PRKCB: variants seen among roughly 807,000 people sequenced by gnomAD.
The protein encoded by PRKCB is protein kinase C beta.
In PRKCB, 13 loss-of-function variants were observed where a neutral mutation model predicts 81.5. That is an observed-to-expected ratio of 0.16 (90% CI 0.10 to 0.25). The LOEUF is 0.25. Ranked by LOEUF, PRKCB falls within the 10% of genes least tolerant of loss-of-function variation. PRKCB has a pLI of 1.00. For missense variants in PRKCB, 509 were observed against 875.7 expected (o/e 0.58, Z 5.29); for synonymous variants, 335 against 321.4 (o/e 1.04, Z -0.45).
At chr16:23,892,172 T>A (rs1963305722) in intron 2 of PRKCB, among the ~76,000 whole-genome samples, 2 of 152,224 alleles carry the variant, frequency 1.3e-5, no homozygotes, top group Non-Finnish European at 2.9e-5. Flanking sequence ...GAGAAATCTT[T>A]GGTGAAGGCC....
chr16:24,149,289 T>C (rs913368560), intron 9 of PRKCB, among the ~76,000 whole-genome samples: 4 of 152,206 alleles, frequency 2.6e-5, no homozygotes, highest in African/African-American at 4.8e-5. Context: ...TATCAAATAT[T>C]TGTAGACATG....
chr16:23,936,604 T>C (rs1027573466), intron 2 of PRKCB, among the ~76,000 whole-genome samples: 2 of 76,910 alleles, frequency 2.6e-5, no homozygotes, highest in Non-Finnish European at 5.7e-5. Flanking sequence ...TTTTTTTTTT[T>C]GCATTTTTGG....
intron 9 of PRKCB, among the ~76,000 whole-genome samples, chr16:24,127,663 A>G (rs1441473226): frequency 1.3e-5 from 2 of 152,162 alleles, no homozygotes; most frequent in Admixed American, 1.3e-4. Flanking sequence ...AGGAGAATGA[A>G]TCACTGGGGA....
intron 2 of PRKCB, among the ~76,000 whole-genome samples, chr16:23,940,513 T>C (rs1964128041): frequency 6.6e-6 from 1 of 151,930 alleles, no homozygotes; most frequent in South Asian, 2.1e-4. Flanking sequence ...TTAGGATATA[T>C]AAAAAGGATT....
intron 2 of PRKCB, among the ~76,000 whole-genome samples, chr16:23,928,265 A>G (rs1364672332): frequency 6.6e-6 from 1 of 151,926 alleles, no homozygotes; most frequent in Admixed American, 6.6e-5. Context: ...AGCTGGGATT[A>G]TAGATGCCCA....
intron 10 of PRKCB, among the ~76,000 whole-genome samples, chr16:24,167,674 C>T (rs1967369228): frequency 6.6e-6 from 1 of 152,168 alleles, no homozygotes. Flanking sequence ...GGACTGGAAG[C>T]TCTTTGAGGG....
intron 5 of PRKCB, among the ~76,000 whole-genome samples, chr16:24,046,850 A>T (rs1441957702): frequency 6.6e-6 from 1 of 152,180 alleles, no homozygotes; most frequent in South Asian, 2.1e-4. Context: ...TTAGGCCCCA[A>T]AACCACCCAG....
chr16:23,855,810 T>G (rs138390309), intron 2 of PRKCB, among the ~76,000 whole-genome samples: 3 of 152,272 alleles, frequency 2.0e-5, no homozygotes, highest in Non-Finnish European at 2.9e-5. Context: ...AAGTGGGCAT[T>G]GATTGTGGGC....
At chr16:24,022,677 TAG>T (rs1965421202) in intron 3 of PRKCB, among the ~76,000 whole-genome samples, 1 of 152,068 alleles carries the variant, frequency 6.6e-6, no homozygotes, top group Non-Finnish European at 1.5e-5. Flanking sequence ...GTATTTTTAG[TAG>T]AGACAGGGTT....
rs542122044 is a variant in PRKCB, at chr16:23,850,931, T to A, written c.205+13525T>A. Among the ~76,000 whole-genome samples the A allele has an allele frequency of 2.1e-4, 32 of 152,352 alleles. No homozygotes were observed. In the South Asian group the frequency reaches 6.4e-3, roughly 31 times the overall value. Reference sequence around the variant, plus strand: ...ATTTGTGTGTCTTCTTTTGAGTAATTTCTGTTCAGATCCCATTTTTAAATC... The same window carrying A: ...ATTTGTGTGTCTTCTTTTGAGTAATATCTGTTCAGATCCCATTTTTAAATC... On this transcript the variant is annotated intron_variant, in intron 2 of 16. Coordinates refer to ENST00000643927, the MANE Select transcript of PRKCB (RefSeq NM_002738.7).
chr16:24,031,532 T>C (rs1327718323), intron 3 of PRKCB, among the ~76,000 whole-genome samples: 1 of 152,198 alleles, frequency 6.6e-6, no homozygotes, highest in Admixed American at 6.5e-5. Context: ...ATGGCCTCTA[T>C]CTGGATAGCC....
intron 5 of PRKCB, among the ~76,000 whole-genome samples, chr16:24,052,575 C>G (rs6497715): frequency 0.35 from 53,057 of 152,034 alleles, 11,757 homozygotes; most frequent in African/African-American, 0.63. Context: ...AAAGGGGTGG[C>G]AGATTCCCAG....
chr16:24,142,343 G>C (rs993463853), intron 9 of PRKCB, among the ~76,000 whole-genome samples: 2 of 152,344 alleles, frequency 1.3e-5, no homozygotes, highest in Admixed American at 1.3e-4. Context: ...TAAAGACGTG[G>C]ATGCAGAAGT....
chr16:23,882,978 G>A (rs1428395199), intron 2 of PRKCB, among the ~76,000 whole-genome samples: 2 of 152,020 alleles, frequency 1.3e-5, no homozygotes, highest in African/African-American at 4.8e-5. Flanking sequence ...CTGGGGATTT[G>A]GCTTCTAACT....
chr16:23,941,293 A>C (rs1437617852), intron 2 of PRKCB, among the ~76,000 whole-genome samples: 1 of 152,232 alleles, frequency 6.6e-6, no homozygotes, highest in Admixed American at 6.5e-5. Flanking sequence ...ACAAGAAGGA[A>C]GTAATGAAAG....
At chr16:24,082,745 A>G (rs565683472) in intron 5 of PRKCB, among the ~76,000 whole-genome samples, 13 of 152,286 alleles carry the variant, frequency 8.5e-5, no homozygotes, top group African/African-American at 2.6e-4. Flanking sequence ...AAGGTATAAA[A>G]TTTCAGAAAA....
chr16:24,144,485 G>A (rs1246605268), intron 9 of PRKCB, among the ~76,000 whole-genome samples: 1 of 152,118 alleles, frequency 6.6e-6, no homozygotes, highest in African/African-American at 2.4e-5. Flanking sequence ...ATTTTTAGTT[G>A]AGACAGGGTT....
intron 9 of PRKCB, chr16:24,151,708 A>T (rs138201169): frequency 6.9e-5 from 30 of 437,790 alleles, no homozygotes; most frequent in Admixed American, 4.3e-4. Context: ...AAAGAACAGG[A>T]TGTGGTCATG....
At chr16:24,020,580 G>A (rs1282274663) in intron 3 of PRKCB, among the ~76,000 whole-genome samples, 1 of 152,126 alleles carries the variant, frequency 6.6e-6, no homozygotes, top group African/African-American at 2.4e-5. Flanking sequence ...AAGTGGATAC[G>A]GTTATTGGAC....
Sources: gnomAD v4.1 joint callset for allele counts (sites outside exome capture counted in the v4.1 genomes callset) on GRCh38, gnomAD v4.1.1 for gene constraint, MANE v1.5 for transcripts, NCBI Gene and HGNC (gene_info 2026-07-23, HGNC 2026-07-21) for gene names.